HERC5: variants seen among roughly 807,000 people sequenced by gnomAD.
HERC5 encodes HECT and RLD domain containing E3 ubiquitin protein ligase 5.
HERC5 carries 99 observed loss-of-function variants against 119.6 expected under a neutral mutation model. The observed-to-expected ratio is 0.83, with a 90% CI of 0.70 to 0.98. The LOEUF (loss-of-function observed/expected upper bound fraction) is 0.98, where lower values mean the gene tolerates loss of function less well. Ranked by LOEUF, HERC5 falls within the 50% of genes least tolerant of loss-of-function variation. HERC5 has a pLI of 0.00. For missense variants in HERC5, 1,267 were observed against 1,241.3 expected (o/e 1.02, Z -0.31); for synonymous variants, 478 against 445.9 (o/e 1.07, Z -0.91).
intron 16 of HERC5, among the ~76,000 whole-genome samples, 176 bp from the exon 17 acceptor site, chr4:88,492,836 T>C (rs1323039172): frequency 6.6e-6 from 1 of 152,220 alleles, no homozygotes; most frequent in Non-Finnish European, 1.5e-5. Context: ...GGCCTCGTTA[T>C]CTCATAGAAT....
intron 13 of HERC5, among the ~76,000 whole-genome samples, chr4:88,483,310 G>A (rs1042456806): frequency 6.6e-6 from 1 of 151,912 alleles, no homozygotes; most frequent in African/African-American, 2.4e-5. Context: ...CTGGGCTCAA[G>A]TGATTCTCCT....
At position 88,493,080 on chromosome 4, in the gene HERC5, T is replaced by A. The variant is rs1374742070; in HGVS notation, c.2202T>A (p.Phe734Leu). The A allele has an allele frequency of 6.2e-7, 1 of 1,614,098 alleles. No individual in the cohort carries two copies. Among genetic ancestry groups the A allele is most frequent in the South Asian group, 1.1e-5 (1 of 91,078 alleles). ...AGAAAGAGTTCTTCTACTGTCTGTT[T>A]GCAGAGATGATCCAGCCGGAATATG... ...GVKKEFFYCLFAEMIQPEYGM... is the reference protein window; with the variant it reads ...GVKKEFFYCLLAEMIQPEYGM... Residue 734 changes from phenylalanine to leucine, a missense_variant, in exon 17 of 23, where the codon TTT becomes TTA. Physicochemically the swap from Phe to Leu is conservative, Grantham distance 22 (BLOSUM62 0). Around this residue, in one of 3 missense-constraint regions of HERC5, gnomAD observed 473 missense variants for 445.7 expected, o/e 1.06. Coordinates refer to ENST00000264350, the MANE Select transcript of HERC5 (RefSeq NM_016323.4).
Position 88,476,499 on chromosome 4 carries a change from G to A in HERC5, c.1582+469G>A, listed in dbSNP as rs553017025. Among the ~76,000 whole-genome samples the A allele has an allele frequency of 2.0e-5, 3 of 152,296 alleles. No homozygotes were observed. In the South Asian group the frequency reaches 6.2e-4, roughly 32 times the overall value. On this transcript the variant is annotated intron_variant, in intron 12 of 22. Transcript: ENST00000264350. ...TTTTGTAATTATGGTATTAGAGTCA[G>A]CAATAATAAGTATGTTGTCATTTGT...
chr4:88,461,572 A>C (rs1384818042), intron 3 of HERC5, among the ~76,000 whole-genome samples: 2 of 152,180 alleles, frequency 1.3e-5, no homozygotes, highest in African/African-American at 4.8e-5. Context: ...AGACTCTATT[A>C]GATATTGTCA....
chr4:88,472,760 C>T (rs1452810743), intron 11 of HERC5, among the ~76,000 whole-genome samples: 1 of 152,066 alleles, frequency 6.6e-6, no homozygotes, highest in South Asian at 2.1e-4. Context: ...CATACACATT[C>T]GTAGAGGGAA....
chr4:88,490,933 A>T (rs1000687574), intron 16 of HERC5, among the ~76,000 whole-genome samples: 3 of 152,156 alleles, frequency 2.0e-5, no homozygotes, highest in African/African-American at 4.8e-5. Context: ...TGGACTCGTT[A>T]TGTGATTCTA....
chr4:88,471,933 C>G (rs936691593), intron 10 of HERC5, among the ~76,000 whole-genome samples: 2 of 147,720 alleles, frequency 1.4e-5, no homozygotes, highest in African/African-American at 2.5e-5. Context: ...GCCCGCCCTT[C>G]TTCCCTCCCT....
intron 14 of HERC5, 116 bp downstream of exon 14, chr4:88,486,344 C>G (rs1191886559): frequency 1.7e-6 from 1 of 599,946 alleles, no homozygotes; most frequent in Non-Finnish European, 2.9e-6. Context: ...AACATTAAGA[C>G]TCCTCAAAAT....
In HERC5 at chr4:88,487,000, G is replaced by C. The variant is rs140831528; in HGVS notation, c.1852-69G>C. The C allele has an allele frequency of 3.2e-4, 329 of 1,026,786 alleles. 1 individual carries two copies. The highest frequency in any genetic ancestry group is 4.8e-4 in the South Asian group (31 of 64,922). The allele number at this position is 1,026,786 out of a possible 1,614,324, so 63.6% of individuals were successfully genotyped here. On this transcript the variant is annotated intron_variant, in intron 14 of 22. Transcript: ENST00000264350. The stretch of plus-strand genomic sequence containing the variant: ...GACCTTAAACCATCAGGGATGTAAG[G>C]CTATGAGGTAAAGTGTAAGGTTTCT...
At chr4:88,504,657 T>C in intron 22 of HERC5, 60 bp downstream of exon 22, 1 of 1,071,644 alleles carries the variant, frequency 9.3e-7, no homozygotes, top group East Asian at 2.6e-5. Flanking sequence ...GGATAAAAAT[T>C]TCCTTTATGA....
chr4:88,497,286 G>A (rs1314239216), intron 18 of HERC5, among the ~76,000 whole-genome samples: 7 of 152,144 alleles, frequency 4.6e-5, no homozygotes, highest in Non-Finnish European at 1.5e-5. Context: ...TCTGGCAAGG[G>A]CTCAGAAGAA....
chr4:88,457,319 C>T lies in HERC5; in HGVS notation c.50C>T (p.Ala17Val), dbSNP rs1740183087. Residue 17 changes from alanine (A) to valine (V), a missense_variant, in exon 1 of 23, where the codon GCG becomes GTG. Physicochemically the swap from Ala to Val is moderately conservative, Grantham distance 64 (BLOSUM62 0). This residue lies in a region of HERC5 where 777 missense variants were observed against 758.0 expected (regional missense o/e 1.03). Coordinates refer to ENST00000264350, the MANE Select transcript of HERC5 (RefSeq NM_016323.4). The stretch of plus-strand genomic sequence containing the variant: ...TCGCGGCGCAACGGGCGCTCGACCG[C>T]GGGCAAGGCCGCCGCGACCCAGCCC... ...RKSRRNGRST[A>V]GKAAATQPAK... 20 of 1,383,802 alleles carry T rather than the reference C, an allele frequency of 1.4e-5. No individual in the cohort carries two copies. Among genetic ancestry groups the T allele is most frequent in the Non-Finnish European group, 1.7e-5 (18 of 1,072,568 alleles). The allele number at this position is 1,383,802 out of a possible 1,614,324, so 85.7% of individuals were successfully genotyped here.
In HERC5 at chr4:88,462,371, C is replaced by T. The variant is rs756803870; in HGVS notation, c.688+15C>T. On this transcript the variant is annotated intron_variant, in intron 4 of 22. Coordinates refer to ENST00000264350, the MANE Select transcript of HERC5 (RefSeq NM_016323.4). ...CCACACTGAGAGTATGGAACACATTCTCAGATTCCTATTACCAACAGATAT... is the reference window on the plus strand; with the variant it reads ...CCACACTGAGAGTATGGAACACATTTTCAGATTCCTATTACCAACAGATAT... 7 of 1,595,734 alleles carry T rather than the reference C, an allele frequency of 4.4e-6. No homozygotes were observed. The African/African-American group carries it at 8.0e-5, about 18-fold the overall frequency.
chr4:88,463,587 C>G lies in HERC5; in HGVS notation c.744C>G (p.Val248=). The G allele has an allele frequency of 6.2e-7, 1 of 1,613,392 alleles. No homozygotes were observed. Among genetic ancestry groups the G allele is most frequent in the Non-Finnish European group, 8.5e-7 (1 of 1,179,714 alleles). ...EGLDNQKVEF[V]ACGGSHSALL... ...TAGACAATCAGAAAGTTGAATTTGTCGCTTGTGGTGGCTCTCACAGTGCCC... is the reference window on the plus strand; with the variant it reads ...TAGACAATCAGAAAGTTGAATTTGTGGCTTGTGGTGGCTCTCACAGTGCCC... Residue 248 remains valine (V), a synonymous_variant, in exon 5 of 23, where the codon GTC becomes GTG. Coordinates refer to ENST00000264350, the MANE Select transcript of HERC5 (RefSeq NM_016323.4).
At chr4:88,483,657 T>G (rs559160880) in intron 13 of HERC5, among the ~76,000 whole-genome samples, 1 of 151,496 alleles carries the variant, frequency 6.6e-6, no homozygotes, top group South Asian at 2.1e-4. Flanking sequence ...GCTTCCTGAG[T>G]AGCCAGGAAT....
rs998654964 is a variant in HERC5, at chr4:88,506,086, G to A, written c.*208G>A. 2 of 565,314 alleles carry A rather than the reference G, an allele frequency of 3.5e-6. No homozygotes were observed. The highest frequency in any genetic ancestry group is 6.2e-6 in the Non-Finnish European group (2 of 320,508). The allele number at this position is 565,314 out of a possible 1,614,324, so 35.0% of individuals were successfully genotyped here. A position where few individuals can be genotyped will look rare whatever the true frequency, so the allele number is the denominator to read the frequency against. On this transcript the variant is annotated 3_prime_UTR_variant, in exon 23 of 23. Transcript: ENST00000264350. ...AACCCGTGACTGTATTCTCTCCCTT[G>A]GATACCCCTATGCCTACATCATATT...
At chr4:88,466,212 G>A (rs1740660157) in intron 6 of HERC5, among the ~76,000 whole-genome samples, 1 of 151,816 alleles carries the variant, frequency 6.6e-6, no homozygotes, top group Non-Finnish European at 1.5e-5. Context: ...TCAGCCTCCT[G>A]AGTAGCTGGG....
In HERC5 at chr4:88,460,146, T is replaced by G. The variant is rs778635414; in HGVS notation, c.441T>G (p.Asp147Glu). 6.3e-7 allele frequency: 1 copy of G among 1,586,674 alleles called. No homozygotes were observed. The highest frequency in any genetic ancestry group is 1.3e-5 in the African/African-American group (1 of 74,368). ...EKKIIQITCG[D>E]YHSLALSKGG... ...AAATAATTCAGATCACATGTGGAGA[T>G]TACCATTCTCTTGCACTCTCAAAAG... Residue 147 changes from aspartate (D) to glutamate (E), a missense_variant, in exon 3 of 23, where the codon GAT becomes GAG. By Grantham distance (45) the Asp-to-Glu change is conservative. Coordinates refer to ENST00000264350, the MANE Select transcript of HERC5 (RefSeq NM_016323.4).
chr4:88,457,591 CTG>C, intron 1 of HERC5, 57 bp downstream of exon 1: 1 of 1,228,986 alleles, frequency 8.1e-7, no homozygotes, highest in Non-Finnish European at 1.0e-6. Context: ...GGGCTGAGGG[CTG>C]TGAGGGGCGG....
Sources: allele counts gnomAD v4.1 joint callset (sites outside exome capture counted in the v4.1 genomes callset), GRCh38; gene constraint gnomAD v4.1.1; regional missense constraint gnomAD v4.1.1; transcripts MANE v1.5; gene names NCBI Gene and HGNC (gene_info 2026-07-23, HGNC 2026-07-21).